JAKMIP2: variants seen among roughly 807,000 people sequenced by gnomAD.
JAKMIP2 encodes the protein janus kinase and microtubule-interacting protein 2.
JAKMIP2 carries 25 observed loss-of-function variants against 115.0 expected under a neutral mutation model. The ratio of observed to expected loss-of-function variants is 0.22; its 90% CI spans 0.16 to 0.30. The LOEUF is 0.30. Among genes scored for constraint, JAKMIP2 ranks in the 10% least tolerant of loss-of-function variants. The pLI, the probability that JAKMIP2 is intolerant of heterozygous loss-of-function variation, is 1.00. For missense variants in JAKMIP2, 642 were observed against 957.6 expected (o/e 0.67, Z 4.35); for synonymous variants, 334 against 343.6 (o/e 0.97, Z 0.31).
At chr5:147,688,809 T>C (rs898585953) in intron 1 of JAKMIP2, among the ~76,000 whole-genome samples, 4 of 152,174 alleles carry the variant, frequency 2.6e-5, no homozygotes, top group African/African-American at 9.7e-5. Context: ...TCAACAAATA[T>C]GTATTGAATG....
In JAKMIP2 at chr5:147,594,510, C is replaced by A. The variant is rs1305011618; in HGVS notation, c.*21-2824G>T. The A allele has an allele frequency of 4.6e-6, 2 of 431,582 alleles. 1 individual carries two copies. The highest frequency in any genetic ancestry group is 4.8e-5 in the Admixed American group (2 of 41,748). 26.7% of individuals were successfully genotyped at this position (431,582 alleles called of 1,614,324 possible). On this transcript the variant is annotated intron_variant, in intron 21 of 21. Transcript: ENST00000616793. ...CCCCCATACCCAGCTAGTTTTTGTA[C>A]TTTTGTAGAGATGGGATTTCACCAT...
At chr5:147,777,517 A>T (rs972215636) in intron 1 of JAKMIP2, among the ~76,000 whole-genome samples, 2 of 152,166 alleles carry the variant, frequency 1.3e-5, no homozygotes, top group Non-Finnish European at 2.9e-5. Flanking sequence ...ATATTCCAAA[A>T]TGCTAACAGT....
intron 12 of JAKMIP2, 121 bp downstream of exon 12, chr5:147,636,101 C>T (rs1015819405): frequency 1.8e-5 from 13 of 714,068 alleles, no homozygotes; most frequent in Non-Finnish European, 3.1e-5. Flanking sequence ...GAGGACAGAG[C>T]AGTGCCGGAA....
At chr5:147,708,704 G>A (rs955436546) in intron 1 of JAKMIP2, among the ~76,000 whole-genome samples, 2 of 152,058 alleles carry the variant, frequency 1.3e-5, no homozygotes, top group African/African-American at 4.8e-5. Flanking sequence ...CTGAAAAGAC[G>A]GTAGTAAATC....
intron 1 of JAKMIP2, among the ~76,000 whole-genome samples, chr5:147,718,277 A>T (rs1394543992): frequency 6.7e-6 from 1 of 150,196 alleles, no homozygotes; most frequent in African/African-American, 2.5e-5. Flanking sequence ...TTTTGCATCA[A>T]TGTTCATCAA....
rs759505007 is a variant in JAKMIP2, at chr5:147,661,455, G to A, written c.130-10C>T. On this transcript the variant is annotated splice_polypyrimidine_tract_variant and intron_variant, in intron 2 of 21. Coordinates refer to ENST00000616793, the MANE Select transcript of JAKMIP2 (RefSeq NM_001270941.2). ...TTTCAAGCTTTGATACCTAAAAACA[G>A]AGAGGCGAAATGATGAAGAGAAATG... The A allele has an allele frequency of 6.2e-7, 1 of 1,603,132 alleles. No homozygotes were observed. The highest frequency in any genetic ancestry group is 1.1e-5 in the South Asian group (1 of 89,416).
In JAKMIP2 at chr5:147,644,976, G is replaced by A. The variant is rs147082202; in HGVS notation, c.957C>T (p.Thr319=). The A allele has an allele frequency of 4.2e-4, 678 of 1,612,626 alleles. No individual in the cohort carries two copies. Among genetic ancestry groups the A allele is most frequent in the Non-Finnish European group, 5.4e-4 (641 of 1,179,730 alleles). Residue 319 remains threonine, a synonymous_variant, in exon 6 of 22, where the codon ACC becomes ACT. Coordinates refer to ENST00000616793, the MANE Select transcript of JAKMIP2 (RefSeq NM_001270941.2). The part of the protein sequence containing the change: ...RNELLKRVRE[T]EKQCKPLLER... ...CCAGGAGAGGTTTACATTGCTTTTC[G>A]GTTTCCCGCACACGTTTTAACTGGG...
intron 2 of JAKMIP2, among the ~76,000 whole-genome samples, chr5:147,671,083 A>G (rs7737054): frequency 0.077 from 11,669 of 152,268 alleles, 645 homozygotes; most frequent in East Asian, 0.22. Context: ...GCTGTCCAGG[A>G]AGAACAAGTG....
At chr5:147,632,580 A>C (rs1025519425) in intron 13 of JAKMIP2, 100 bp downstream of exon 13, 6 of 769,210 alleles carry the variant, frequency 7.8e-6, no homozygotes, top group Non-Finnish European at 1.3e-5. Context: ...AAATGAGAGT[A>C]TGAATCTGAA....
chr5:147,697,515 C>T (rs534351613), intron 1 of JAKMIP2, among the ~76,000 whole-genome samples: 1 of 152,304 alleles, frequency 6.6e-6, no homozygotes, highest in South Asian at 2.1e-4. Flanking sequence ...TTCACAGCAG[C>T]CTCTCCCATC....
At position 147,702,603 on chromosome 5, in the gene JAKMIP2, GGAAAGAAAGAAAGAAAGAAAGAAA is replaced by G. The variant is rs67153684; in HGVS notation, c.-148-30673_-148-30650del. Among the ~76,000 whole-genome samples the G allele has an allele frequency of 2.8e-3, 260 of 91,822 alleles. 1 individual carries two copies. Among genetic ancestry groups the G allele is most frequent in the South Asian group, 5.0e-3 (11 of 2,220 alleles). 60.2% of individuals were successfully genotyped at this position (91,822 alleles called of 152,430 possible). A position where few individuals can be genotyped will look rare whatever the true frequency, so the allele number is the denominator to read the frequency against. ...AGGAAAGAAAGAAAGAAAGAAAGAA[GGAAAGAAAGAAAGAAAGAAAGAAA>G]GAAAGAAAGAAAGAAAGAAAGAAAG... On this transcript the variant is annotated intron_variant, in intron 1 of 21. Transcript: ENST00000616793.
chr5:147,771,377 G>C (rs1435997808), intron 1 of JAKMIP2, among the ~76,000 whole-genome samples: 1 of 151,912 alleles, frequency 6.6e-6, no homozygotes, highest in Non-Finnish European at 1.5e-5. Context: ...TTAGTGCAAT[G>C]CTAGTATCTA....
intron 1 of JAKMIP2, among the ~76,000 whole-genome samples, chr5:147,711,998 T>C (rs1752801654): frequency 6.6e-6 from 1 of 152,252 alleles, no homozygotes; most frequent in Non-Finnish European, 1.5e-5. Flanking sequence ...TTATCAATTA[T>C]ACAACTTTAA....
intron 2 of JAKMIP2, among the ~76,000 whole-genome samples, chr5:147,662,951 A>C (rs1038084135): frequency 6.6e-6 from 1 of 151,694 alleles, no homozygotes; most frequent in Admixed American, 6.6e-5. Context: ...GCACCATTGC[A>C]CTCCAGCCTG....
intron 16 of JAKMIP2, among the ~76,000 whole-genome samples, chr5:147,624,413 C>T (rs539479109): frequency 6.6e-6 from 1 of 152,226 alleles, no homozygotes; most frequent in African/African-American, 2.4e-5. Context: ...GACAACATGT[C>T]CAATAGCTCT....
rs1223366552 is a variant in JAKMIP2 at position 147,736,792 on chromosome 5, C to G, written c.-149+45664G>C. 1.8e-4 allele frequency among the ~76,000 whole-genome samples: 27 copies of G among 152,130 alleles called. 1 individual carries two copies. Among genetic ancestry groups the G allele is most frequent in the Non-Finnish European group, 1.5e-5 (1 of 68,024 alleles). On this transcript the variant is annotated intron_variant, in intron 1 of 21. Coordinates refer to ENST00000616793, the MANE Select transcript of JAKMIP2 (RefSeq NM_001270941.2). ...TATGGCAATGTACGGAATTTAGGGTCAATCTTCACATATATTTGCTAAGTA... is the reference window on the plus strand; with the variant it reads ...TATGGCAATGTACGGAATTTAGGGTGAATCTTCACATATATTTGCTAAGTA...
chr5:147,628,614 C>T (rs1255848370), intron 16 of JAKMIP2, 137 bp downstream of exon 16: 4 of 564,984 alleles, frequency 7.1e-6, no homozygotes, highest in Non-Finnish European at 1.2e-5. Context: ...CTGGGTTGTA[C>T]TACCCTTAAA....
chr5:147,644,068 T>C lies in JAKMIP2; in HGVS notation c.1214A>G (p.Glu405Gly), dbSNP rs1434813932. 7.6e-6 allele frequency: 12 copies of C among 1,586,582 alleles called. No homozygotes were observed. Among genetic ancestry groups the C allele is most frequent in the Non-Finnish European group, 1.0e-5 (12 of 1,161,538 alleles). ...TTGATTGACACGTACCCTTGTGAGC[T>C]CATCAATAATGTTCTGTTGCTCAAT... ...QVIEQQNIID[E>G]LTRDREKLIR... The change falls in exon 7 of 22, where the codon GAG becomes GGG. Residue 405 changes from glutamate (E) to glycine (G), a missense_variant. Physicochemically the swap from Glu to Gly is moderately conservative, Grantham distance 98. Around this residue, in one of 6 missense-constraint regions of JAKMIP2, gnomAD observed 439 missense variants for 570.9 expected, o/e 0.77. Coordinates refer to ENST00000616793, the MANE Select transcript of JAKMIP2 (RefSeq NM_001270941.2).
chr5:147,655,231 G>A (rs956251604), intron 3 of JAKMIP2, among the ~76,000 whole-genome samples: 1 of 152,160 alleles, frequency 6.6e-6, no homozygotes, highest in Non-Finnish European at 1.5e-5. Flanking sequence ...GAGTTAGGGA[G>A]GAGTCCCTCC....
Sources: allele counts gnomAD v4.1 joint callset (sites outside exome capture counted in the v4.1 genomes callset), GRCh38; gene constraint gnomAD v4.1.1; regional missense constraint gnomAD v4.1.1; transcripts MANE v1.5; gene names NCBI Gene and HGNC (gene_info 2026-07-23, HGNC 2026-07-21).